MAGI2: variants seen among roughly 807,000 people sequenced by gnomAD.
MAGI2 encodes membrane associated guanylate kinase, WW and PDZ domain containing 2.
MAGI2 carries 35 observed loss-of-function variants against 133.3 expected under a neutral mutation model. The observed-to-expected ratio is 0.26, with a 90% CI of 0.20 to 0.35. The LOEUF (loss-of-function observed/expected upper bound fraction) is 0.35, where lower values mean the gene tolerates loss of function less well. Among genes scored for constraint, MAGI2 ranks in the 10% least tolerant of loss-of-function variants. The pLI, the probability that MAGI2 is intolerant of heterozygous loss-of-function variation, is 1.00. For missense variants in MAGI2, 1,636 were observed against 1,863.4 expected (o/e 0.88, Z 2.25); for synonymous variants, 729 against 710.6 (o/e 1.03, Z -0.41).
chr7:78,177,124 C>T (rs888561896), intron 14 of MAGI2, among the ~76,000 whole-genome samples: 2 of 151,888 alleles, frequency 1.3e-5, no homozygotes, highest in African/African-American at 4.8e-5. Flanking sequence ...ATTGTTATCC[C>T]CATCTTGTAG....
chr7:79,309,978 A>AG (rs1337311980), intron 1 of MAGI2, among the ~76,000 whole-genome samples: 2 of 144,876 alleles, frequency 1.4e-5, no homozygotes, highest in Non-Finnish European at 3.0e-5. Flanking sequence ...TAAAAAAAAA[A>AG]AAAAAGAAAA....
chr7:79,148,606 C>A (rs1280664092), intron 1 of MAGI2, among the ~76,000 whole-genome samples: 1 of 151,864 alleles, frequency 6.6e-6, no homozygotes, highest in African/African-American at 2.4e-5. Flanking sequence ...ATCCTTTGTC[C>A]CATTTTTTGT....
At chr7:78,922,856 T>C (rs1358062406) in intron 2 of MAGI2, among the ~76,000 whole-genome samples, 1 of 151,000 alleles carries the variant, frequency 6.6e-6, no homozygotes, top group African/African-American at 2.4e-5. Context: ...CAGCACCTGT[T>C]GTTTCCTGAC....
intron 10 of MAGI2, among the ~76,000 whole-genome samples, chr7:78,245,545 G>T (rs563653290): frequency 6.6e-6 from 1 of 152,264 alleles, no homozygotes; most frequent in East Asian, 1.9e-4. Flanking sequence ...CACATCAAAG[G>T]AGTGGCAGAA....
chr7:78,761,961 G>A (rs1824557653), intron 2 of MAGI2, among the ~76,000 whole-genome samples: 1 of 151,876 alleles, frequency 6.6e-6, no homozygotes. Context: ...ATGAATTTGG[G>A]CAAAAAATAC....
intron 16 of MAGI2, among the ~76,000 whole-genome samples, chr7:78,154,530 C>A (rs1262522328): frequency 6.6e-6 from 1 of 152,188 alleles, no homozygotes; most frequent in Non-Finnish European, 1.5e-5. Context: ...GATGCTATGA[C>A]CACTGTCCTG....
At chr7:79,118,793 C>A (rs1449703044) in intron 1 of MAGI2, among the ~76,000 whole-genome samples, 2 of 152,052 alleles carry the variant, frequency 1.3e-5, no homozygotes, top group Admixed American at 1.3e-4. Flanking sequence ...CATGACTACT[C>A]CCCCAAGCAG....
chr7:78,763,929 T>C (rs1010187773), intron 2 of MAGI2, among the ~76,000 whole-genome samples: 2 of 152,168 alleles, frequency 1.3e-5, no homozygotes, highest in African/African-American at 4.8e-5. Flanking sequence ...GCTTCTGAGT[T>C]TTGTTTATTC....
At chr7:78,632,590 A>C (rs1273294361) in intron 2 of MAGI2, among the ~76,000 whole-genome samples, 2 of 152,256 alleles carry the variant, frequency 1.3e-5, no homozygotes, top group Non-Finnish European at 2.9e-5. Context: ...GGATTAGCTT[A>C]GGTCATTTGG....
At chr7:78,531,222 T>C (rs984364956) in intron 3 of MAGI2, among the ~76,000 whole-genome samples, 2 of 151,020 alleles carry the variant, frequency 1.3e-5, no homozygotes, top group Admixed American at 6.6e-5. Flanking sequence ...TAAGTTTTTT[T>C]TTTTTTTTTT....
At chr7:79,288,192 A>G (rs1836171459) in intron 1 of MAGI2, among the ~76,000 whole-genome samples, 1 of 152,148 alleles carries the variant, frequency 6.6e-6, no homozygotes, top group Admixed American at 6.6e-5. Context: ...GTCCCAAAGC[A>G]GCTGAGTGAT....
At chr7:78,950,995 G>A (rs1216708263) in intron 2 of MAGI2, among the ~76,000 whole-genome samples, 2 of 118,040 alleles carry the variant, frequency 1.7e-5, no homozygotes, top group African/African-American at 6.6e-5. Flanking sequence ...TTTTTGAGAT[G>A]GAGTCTTCCT....
At chr7:79,274,012 T>A (rs1024906533) in intron 1 of MAGI2, among the ~76,000 whole-genome samples, 4 of 152,088 alleles carry the variant, frequency 2.6e-5, no homozygotes, top group African/African-American at 7.2e-5. Context: ...TGGGGTGCCA[T>A]GGTTCTCAGC....
intron 1 of MAGI2, among the ~76,000 whole-genome samples, chr7:79,374,516 G>T (rs181719798): frequency 2.1e-3 from 316 of 152,066 alleles, no homozygotes; most frequent in Middle Eastern, 0.01. Context: ...CTCCAGAGCT[G>T]TGAGAAAATG....
intron 6 of MAGI2, among the ~76,000 whole-genome samples, chr7:78,402,307 G>T (rs1040402515): frequency 6.6e-6 from 1 of 150,668 alleles, no homozygotes; most frequent in Non-Finnish European, 1.5e-5. Context: ...TCCACCTGGG[G>T]TGTGTGTGTA....
chr7:79,090,783 A>G (rs1424379536), intron 1 of MAGI2, among the ~76,000 whole-genome samples: 1 of 152,196 alleles, frequency 6.6e-6, no homozygotes, highest in Non-Finnish European at 1.5e-5. Context: ...ATTTAAACCT[A>G]CATAGTGAGT....
At chr7:78,868,567 A>C (rs1794768548) in intron 2 of MAGI2, among the ~76,000 whole-genome samples, 1 of 152,344 alleles carries the variant, frequency 6.6e-6, no homozygotes, top group Middle Eastern at 3.4e-3. Flanking sequence ...AACCTTTTAA[A>C]GGATATTGTG....
At position 78,237,835 on chromosome 7, in the gene MAGI2, C is replaced by G. The variant is rs950251956; in HGVS notation, c.2047+18108G>C. On this transcript the variant is annotated intron_variant, in intron 10 of 21. Coordinates refer to ENST00000354212, the MANE Select transcript of MAGI2 (RefSeq NM_012301.4). ...AATAAATGTACTCTACCAATTTGAA[C>G]ATGAAAGAAGCTTTGTTTTCAAGTG... 2.0e-5 allele frequency among the ~76,000 whole-genome samples: 3 copies of G among 152,168 alleles called. No individual in the cohort carries two copies. The East Asian group carries it at 5.8e-4, about 29-fold the overall frequency.
intron 9 of MAGI2, among the ~76,000 whole-genome samples, chr7:78,278,832 A>G (rs1018189016): frequency 1.3e-5 from 2 of 152,050 alleles, no homozygotes; most frequent in Non-Finnish European, 2.9e-5. Flanking sequence ...GCCAGCCCTC[A>G]CGATTTGTGT....
Sources: gnomAD v4.1 joint callset for allele counts (sites outside exome capture counted in the v4.1 genomes callset) on GRCh38, gnomAD v4.1.1 for gene constraint, MANE v1.5 for transcripts, NCBI Gene and HGNC (gene_info 2026-07-23, HGNC 2026-07-21) for gene names.